Variants in RALGAPA2 observed in about 807,000 individuals in gnomAD.
The protein encoded by RALGAPA2 is Ral GTPase activating protein catalytic subunit alpha 2, also known as ral GTPase-activating protein subunit alpha-2.
RALGAPA2 carries 139 observed loss-of-function variants against 230.4 expected under a neutral mutation model. That is an observed-to-expected ratio of 0.60 (90% CI 0.53 to 0.69). RALGAPA2 has a LOEUF of 0.69. Among genes scored for constraint, RALGAPA2 ranks in the 30% least tolerant of loss-of-function variants. The probability of loss-of-function intolerance (pLI) is 0.00; values close to 1 mark genes in which losing one functional copy is unlikely to be tolerated. For synonymous variants in RALGAPA2, 847 were observed against 837.8 expected (o/e 1.01, Z -0.19); for missense variants, 2,163 against 2,276.0 (o/e 0.95, Z 1.01).
At chr20:20,549,896 G>T (rs975671845) in intron 23 of RALGAPA2, among the ~76,000 whole-genome samples, 1 of 152,214 alleles carries the variant, frequency 6.6e-6, no homozygotes, top group Non-Finnish European at 1.5e-5. Flanking sequence ...TCTCAGACAT[G>T]AGTCATTCAT....
chr20:20,459,959 C>A (rs899590603), intron 37 of RALGAPA2, among the ~76,000 whole-genome samples: 2 of 152,224 alleles, frequency 1.3e-5, no homozygotes, highest in Admixed American at 1.3e-4. Flanking sequence ...GCATAGGCTG[C>A]ATCCTACCCT....
intron 10 of RALGAPA2, among the ~76,000 whole-genome samples, chr20:20,627,235 C>G (rs1344932512): frequency 6.6e-6 from 1 of 152,032 alleles, no homozygotes; most frequent in Non-Finnish European, 1.5e-5. Context: ...TGTGACTTGT[C>G]CAGTGACTGT....
intron 20 of RALGAPA2, among the ~76,000 whole-genome samples, chr20:20,581,561 C>T (rs923385854): frequency 5.3e-5 from 8 of 152,130 alleles, no homozygotes; most frequent in Non-Finnish European, 1.0e-4. Flanking sequence ...TCTCAATCTC[C>T]CCATCTCTAA....
At chr20:20,413,592 T>G (rs1343135257) in intron 37 of RALGAPA2, among the ~76,000 whole-genome samples, 2 of 152,174 alleles carry the variant, frequency 1.3e-5, no homozygotes, top group African/African-American at 4.8e-5. Context: ...TTTTAAGCAC[T>G]CAATAGCCGC....
intron 37 of RALGAPA2, among the ~76,000 whole-genome samples, chr20:20,464,659 A>G (rs1174298624): frequency 6.6e-6 from 1 of 152,242 alleles, no homozygotes; most frequent in Non-Finnish European, 1.5e-5. Context: ...AGTGATCTCA[A>G]TAAGATTCTG....
chr20:20,631,590 A>G (rs974840027), intron 9 of RALGAPA2, among the ~76,000 whole-genome samples: 1 of 152,234 alleles, frequency 6.6e-6, no homozygotes, highest in Non-Finnish European at 1.5e-5. Context: ...GAAGCTGGAC[A>G]TGGCAAGAAC....
intron 18 of RALGAPA2, among the ~76,000 whole-genome samples, 174 bp from the exon 19 acceptor site, chr20:20,585,129 G>A (rs1294150960): frequency 6.6e-6 from 1 of 152,016 alleles, no homozygotes; most frequent in South Asian, 2.1e-4. Context: ...TTAATTTTAT[G>A]TTACTCAAGA....
intron 20 of RALGAPA2, among the ~76,000 whole-genome samples, chr20:20,581,248 G>A (rs1030901034): frequency 6.6e-6 from 1 of 152,096 alleles, no homozygotes. Context: ...CCAAAGAACA[G>A]ACAAAAGAAG....
At chr20:20,404,579 C>T (rs1183277148) in intron 38 of RALGAPA2, among the ~76,000 whole-genome samples, 1 of 152,136 alleles carries the variant, frequency 6.6e-6, no homozygotes, top group Admixed American at 6.5e-5. Flanking sequence ...GAATGTGAAC[C>T]CGGGGTGTCG....
chr20:20,519,802 G>T (rs1162243901), intron 31 of RALGAPA2, among the ~76,000 whole-genome samples: 2 of 152,032 alleles, frequency 1.3e-5, no homozygotes, highest in Non-Finnish European at 2.9e-5. Context: ...TCTAGTCTTG[G>T]GCCTAGGTTT....
At chr20:20,451,116 A>G (rs2060978077) in intron 37 of RALGAPA2, among the ~76,000 whole-genome samples, 1 of 152,242 alleles carries the variant, frequency 6.6e-6, no homozygotes, top group Non-Finnish European at 1.5e-5. Context: ...AATACACACC[A>G]GCTTATTTCC....
intron 38 of RALGAPA2, among the ~76,000 whole-genome samples, chr20:20,407,435 C>T (rs1032247084): frequency 4.6e-5 from 7 of 152,310 alleles, no homozygotes; most frequent in Admixed American, 2.6e-4. Flanking sequence ...CCCAGTGAAA[C>T]GGCCAAGGAA....
chr20:20,408,901 T>C (rs2060001819), intron 38 of RALGAPA2, among the ~76,000 whole-genome samples: 1 of 152,244 alleles, frequency 6.6e-6, no homozygotes, highest in African/African-American at 2.4e-5. Context: ...AGTTGAAATA[T>C]CTTTACATGT....
At chr20:20,506,774 T>A (rs2062549282) in intron 33 of RALGAPA2, among the ~76,000 whole-genome samples, 2 of 152,248 alleles carry the variant, frequency 1.3e-5, no homozygotes, top group Non-Finnish European at 2.9e-5. Flanking sequence ...TAACAAATTA[T>A]CTAAGATTTC....
At chr20:20,686,590 T>G (rs2068709054) in intron 1 of RALGAPA2, among the ~76,000 whole-genome samples, 1 of 151,248 alleles carries the variant, frequency 6.6e-6, no homozygotes. Context: ...GCTGCTGTGA[T>G]GATAAAATGA....
intron 16 of RALGAPA2, among the ~76,000 whole-genome samples, chr20:20,591,878 T>C (rs1026917594): frequency 2.0e-5 from 3 of 152,248 alleles, no homozygotes; most frequent in Admixed American, 6.5e-5. Context: ...CCACAGGTAT[T>C]TGTAGAAAAC....
chr20:20,615,050 G>A (rs999826872), intron 13 of RALGAPA2, among the ~76,000 whole-genome samples: 1 of 152,122 alleles, frequency 6.6e-6, no homozygotes. Flanking sequence ...AGGCAGAAGT[G>A]AGAGGCTGAT....
chr20:20,637,552 A>G, intron 7 of RALGAPA2, 51 bp from the exon 8 acceptor site: 1 of 1,456,964 alleles, frequency 6.9e-7, no homozygotes, highest in Non-Finnish European at 9.2e-7. Context: ...TTTCAAATTA[A>G]CATATACTAA....
chr20:20,657,331 C>T (rs1236453228), intron 3 of RALGAPA2, among the ~76,000 whole-genome samples: 3 of 152,140 alleles, frequency 2.0e-5, no homozygotes, highest in Admixed American at 1.3e-4. Context: ...TGGCTTGGGG[C>T]CATGATGCAA....
Sources: gnomAD v4.1 joint callset for allele counts (sites outside exome capture counted in the v4.1 genomes callset) on GRCh38, gnomAD v4.1.1 for gene constraint, MANE v1.5 for transcripts, NCBI Gene and HGNC (gene_info 2026-07-23, HGNC 2026-07-21) for gene names.